The following TRAK1 variants were observed in gnomAD, a reference collection of about 807,000 sequenced individuals.
TRAK1 encodes the protein trafficking kinesin protein 1, also known as trafficking kinesin-binding protein 1.
Under a neutral mutation model 92.1 loss-of-function variants are expected in TRAK1, and 33 were observed. The observed-to-expected ratio is 0.36, with a 90% CI of 0.27 to 0.48. The LOEUF is 0.48. Among genes scored for constraint, TRAK1 ranks in the 20% least tolerant of loss-of-function variants. The pLI is 0.99. For synonymous variants in TRAK1, 521 were observed against 517.3 expected, an observed-to-expected ratio of 1.01 and a Z score of -0.10; for missense variants, 1,123 against 1,257.9, an observed-to-expected ratio of 0.89 and a Z score of 1.62.
At chr3:42,052,718 G>A (rs901008523) in intron 1 of TRAK1, among the ~76,000 whole-genome samples, 5 of 152,134 alleles carry the variant, frequency 3.3e-5, no homozygotes, top group African/African-American at 1.2e-4. Context: ...TATTCTGTGT[G>A]CATGCAGGAT....
intron 6 of TRAK1, among the ~76,000 whole-genome samples, chr3:42,190,770 CTCCTCCCTCCCTCCCTCTCTCCCT>C (rs1559902347): frequency 6.7e-6 from 1 of 150,338 alleles, no homozygotes; most frequent in African/African-American, 2.5e-5. Flanking sequence ...CCCTCTTTCT[CTCCTCCCTCCCTCCCTCTCTCCCT>C]TCCTCCCTCC....
chr3:42,215,815 G>A (rs757579460), intron 14 of TRAK1, among the ~76,000 whole-genome samples: 40 of 152,224 alleles, frequency 2.6e-4, no homozygotes, highest in East Asian at 3.9e-4. Context: ...GTGTTTCTCC[G>A]TTCTCAGAGG....
At chr3:42,077,239 T>C (rs528587119) in intron 1 of TRAK1, among the ~76,000 whole-genome samples, 1 of 152,324 alleles carries the variant, frequency 6.6e-6, no homozygotes, top group East Asian at 1.9e-4. Flanking sequence ...GGCAGTATGG[T>C]TATTTTAATT....
chr3:42,187,563 G>A lies in TRAK1; in HGVS notation c.481-482G>A, dbSNP rs545753722. ...GCTCACTACAACCCCTGCCTCCCGT[G>A]TTCAAGCAATTCTCCTGCCTCAGCC... On this transcript the variant is annotated intron_variant, in intron 4 of 15. Transcript: ENST00000327628. Among the ~76,000 whole-genome samples the A allele has an allele frequency of 4.6e-5, 7 of 152,188 alleles. No homozygotes were observed. The South Asian group carries it at 1.0e-3, about 23-fold the overall frequency.
rs1181004826 is a variant in TRAK1, at chr3:42,222,977, C to T, written c.2102C>T (p.Thr701Ile). ...GCCCCAACTCCAGCTTGTGGCAGCA[C>T]CAGCCACTTGAAATCCACGCCGGTG... ...NSAPTPACGS[T>I]SHLKSTPVAT... Residue 701 changes from threonine to isoleucine, a missense_variant, in exon 16 of 16, where the codon ACC becomes ATC. Transcript: ENST00000327628. The T allele has an allele frequency of 1.2e-6, 2 of 1,614,076 alleles. No homozygotes were observed. Among genetic ancestry groups the T allele is most frequent in the South Asian group, 1.1e-5 (1 of 91,076 alleles).
Position 42,223,877 on chromosome 3 carries a change from C to G in TRAK1, c.*140C>G. 1.0e-6 allele frequency: 1 copy of G among 967,022 alleles called. No individual in the cohort carries two copies. The highest frequency in any genetic ancestry group is 1.5e-6 in the Non-Finnish European group (1 of 650,134). The allele number at this position is 967,022 out of a possible 1,614,324, so 59.9% of individuals were successfully genotyped here. A position where few individuals can be genotyped will look rare whatever the true frequency, so the allele number is the denominator to read the frequency against. On this transcript the variant is annotated 3_prime_UTR_variant, in exon 16 of 16. Transcript: ENST00000327628. The surrounding 1 kb of genome is among the most constrained non-coding windows in gnomAD (Gnocchi z 6.1). ...CCTCCTAAGCTAGACAAATCAACCT[C>G]GTGCCTAATGGAGGAAGTGTGGAAA...
intron 1 of TRAK1, among the ~76,000 whole-genome samples, chr3:42,061,951 T>A (rs1703461987): frequency 6.6e-6 from 1 of 152,192 alleles, no homozygotes; most frequent in Non-Finnish European, 1.5e-5. Context: ...CCTTCTAGGC[T>A]ATTGCTGACG....
chr3:42,208,636 C>A (rs762769465), intron 13 of TRAK1, among the ~76,000 whole-genome samples: 1 of 152,230 alleles, frequency 6.6e-6, no homozygotes, highest in Non-Finnish European at 1.5e-5. Context: ...GGTGACTGCC[C>A]GAGCATCCAT....
chr3:42,132,524 C>G (rs1697351574), intron 2 of TRAK1, among the ~76,000 whole-genome samples: 2 of 152,098 alleles, frequency 1.3e-5, no homozygotes, highest in African/African-American at 4.8e-5. Context: ...CTCAGCCTCA[C>G]AAAGTGCTAG....
intron 1 of TRAK1, among the ~76,000 whole-genome samples, chr3:42,102,612 A>G (rs1346090310): frequency 6.6e-6 from 1 of 152,222 alleles, no homozygotes; most frequent in Non-Finnish European, 1.5e-5. Flanking sequence ...ACAGTTGAAT[A>G]CAAGGGCTTC....
At chr3:42,197,907 G>A (rs1706981071) in intron 10 of TRAK1, among the ~76,000 whole-genome samples, 1 of 152,222 alleles carries the variant, frequency 6.6e-6, no homozygotes, top group Non-Finnish European at 1.5e-5. Context: ...ACATGTGGCT[G>A]TGCAAATTTA....
intron 1 of TRAK1, among the ~76,000 whole-genome samples, chr3:42,047,129 T>C (rs1402604902): frequency 1.3e-5 from 2 of 152,038 alleles, no homozygotes; most frequent in Non-Finnish European, 2.9e-5. Context: ...TGCATAGTTA[T>C]TGTGTACCTG....
At chr3:42,222,503 G>T (rs953079363) in intron 15 of TRAK1, among the ~76,000 whole-genome samples, 2 of 152,228 alleles carry the variant, frequency 1.3e-5, no homozygotes. Context: ...TCAGGGAGAA[G>T]TAGGTACTAA....
intron 1 of TRAK1, among the ~76,000 whole-genome samples, chr3:42,022,149 T>C (rs1485279347): frequency 6.6e-6 from 1 of 152,180 alleles, no homozygotes; most frequent in Non-Finnish European, 1.5e-5. Flanking sequence ...GCTTTGACTT[T>C]GAGGAGAAAG....
intron 1 of TRAK1, among the ~76,000 whole-genome samples, chr3:42,122,704 C>T (rs1158711563): frequency 6.6e-6 from 1 of 152,078 alleles, no homozygotes; most frequent in Non-Finnish European, 1.5e-5. Flanking sequence ...CATCTTGAGC[C>T]TTTGGATGGT....
intron 5 of TRAK1, 88 bp downstream of exon 5, chr3:42,188,233 T>C (rs1705182099): frequency 1.2e-5 from 15 of 1,252,612 alleles, no homozygotes; most frequent in Non-Finnish European, 1.6e-5. Context: ...CAGGGTCACC[T>C]TCAGCAGCAA....
chr3:42,048,380 C>G (rs1702843330), intron 1 of TRAK1, among the ~76,000 whole-genome samples: 1 of 152,138 alleles, frequency 6.6e-6, no homozygotes, highest in African/African-American at 2.4e-5. Context: ...GTATTTCCTG[C>G]TAATTCCATG....
At chr3:42,219,746 C>A in intron 15 of TRAK1, 150 bp downstream of exon 15, 1 of 618,294 alleles carries the variant, frequency 1.6e-6, no homozygotes, top group Non-Finnish European at 2.7e-6. Flanking sequence ...TTTGCAGGCA[C>A]TTGTTCTGGG....
chr3:42,072,565 TC>T (rs200940256), intron 1 of TRAK1, among the ~76,000 whole-genome samples: 1,495 of 109,918 alleles, frequency 0.014, 27 homozygotes, highest in African/African-American at 0.037. Flanking sequence ...TTTTTTTTTT[TC>T]TTTCTCTTTT....
Sources: allele counts gnomAD v4.1 joint callset (sites outside exome capture counted in the v4.1 genomes callset), GRCh38; gene constraint gnomAD v4.1.1; non-coding constraint Gnocchi (gnomAD v3.1); transcripts MANE v1.5; gene names NCBI Gene and HGNC (gene_info 2026-07-23, HGNC 2026-07-21).